The following AZIN1 variants were observed in gnomAD, a reference collection of about 807,000 sequenced individuals.
AZIN1 encodes the protein antizyme inhibitor 1.
AZIN1 carries 12 observed loss-of-function variants against 47.4 expected under a neutral mutation model. The observed-to-expected ratio is 0.25, with a 90% CI of 0.16 to 0.41. The LOEUF (loss-of-function observed/expected upper bound fraction) is 0.41, where lower values mean the gene tolerates loss of function less well. Among genes scored for constraint, AZIN1 ranks in the 10% least tolerant of loss-of-function variants. The probability of loss-of-function intolerance (pLI) is 1.00; values close to 1 mark genes in which losing one functional copy is unlikely to be tolerated. For missense variants in AZIN1, 410 were observed against 532.4 expected, an observed-to-expected ratio of 0.77 and a Z score of 2.26; for synonymous variants, 155 against 176.3, an observed-to-expected ratio of 0.88 and a Z score of 0.96.
chr8:102,842,123 A>G (rs1812237061), intron 3 of AZIN1, among the ~76,000 whole-genome samples: 2 of 152,156 alleles, frequency 1.3e-5, no homozygotes, highest in South Asian at 4.1e-4. Flanking sequence ...AAGAGAAAAA[A>G]AAAAAGAAAA....
At chr8:102,847,767 A>G (rs1191309984) in intron 2 of AZIN1, among the ~76,000 whole-genome samples, 1 of 151,958 alleles carries the variant, frequency 6.6e-6, no homozygotes, top group Non-Finnish European at 1.5e-5. Flanking sequence ...TTTTTTGTAG[A>G]AAACTCTTTG....
chr8:102,837,807 A>G (rs1241237530), intron 5 of AZIN1, among the ~76,000 whole-genome samples: 1 of 152,236 alleles, frequency 6.6e-6, no homozygotes, highest in Non-Finnish European at 1.5e-5. Flanking sequence ...ATTTCCGGAA[A>G]CACACATAAC....
At chr8:102,841,828 A>G (rs1812209813) in intron 3 of AZIN1, among the ~76,000 whole-genome samples, 1 of 148,362 alleles carries the variant, frequency 6.7e-6, no homozygotes. Context: ...AAAAAAGACC[A>G]GGCTGGGCGC....
At chr8:102,862,448 C>A (rs1475937385) in intron 1 of AZIN1, among the ~76,000 whole-genome samples, 2 of 152,198 alleles carry the variant, frequency 1.3e-5, no homozygotes, top group Non-Finnish European at 2.9e-5. Flanking sequence ...CCTCACTTAT[C>A]ACCACCGATA....
At chr8:102,833,337 G>A in intron 8 of AZIN1, 119 bp from the exon 9 acceptor site, 1 of 864,922 alleles carries the variant, frequency 1.2e-6, no homozygotes, top group Non-Finnish European at 1.7e-6. Context: ...CACAGATCAT[G>A]AACCTTAGCA....
Position 102,829,460 on chromosome 8 carries a change from A to C in AZIN1, c.1047T>G (p.Phe349Leu). Residue 349 changes from phenylalanine to leucine, a missense_variant, in exon 11 of 12, where the codon TTT becomes TTG. Phe to Leu is a conservative substitution (Grantham distance 22). Transcript: ENST00000337198. Reference protein sequence around the residue: ...HKKYKEDEPLFTSSLWGPSCD... With the variant: ...HKKYKEDEPLLTSSLWGPSCD... ...AGGATGGACCCCAAAGGCTGCTTGT[A>C]AACAGAGGCTCATCTTCCTTGTATT... is the stretch of plus-strand genomic sequence containing the variant. 1 of 1,611,484 alleles carries C rather than the reference A, an allele frequency of 6.2e-7. No individual in the cohort carries two copies. Among genetic ancestry groups the C allele is most frequent in the Non-Finnish European group, 8.5e-7 (1 of 1,179,322 alleles).
rs533289298 is a variant in AZIN1, at chr8:102,848,200, TGA to T, written c.-95-4455_-95-4454del. ...TATCTAGGTTTCTGTATGTACACTATGATGTTCAAACAACCACAATGTCACCT... is the reference window on the plus strand; with the variant it reads ...TATCTAGGTTTCTGTATGTACACTATTGTTCAAACAACCACAATGTCACCT... On this transcript the variant is annotated intron_variant, in intron 2 of 11. Transcript: ENST00000337198. Among the ~76,000 whole-genome samples the T allele has an allele frequency of 1.9e-3, 289 of 152,086 alleles. 5 individuals are homozygous for T. Among genetic ancestry groups the T allele is most frequent in the Non-Finnish European group, 5.9e-4 (40 of 67,988 alleles).
chr8:102,845,947 G>A (rs1201080073), intron 2 of AZIN1, among the ~76,000 whole-genome samples: 1 of 152,130 alleles, frequency 6.6e-6, no homozygotes, highest in Non-Finnish European at 1.5e-5. Flanking sequence ...TTGAGGGCTT[G>A]CTGTCTATGT....
intron 2 of AZIN1, among the ~76,000 whole-genome samples, chr8:102,855,210 C>G (rs1441533355): frequency 6.6e-6 from 1 of 152,154 alleles, no homozygotes; most frequent in Non-Finnish European, 1.5e-5. Context: ...GCACCTGCCA[C>G]GACGCTCGAC....
In AZIN1 at chr8:102,847,363, A is replaced by T. The variant is rs201829428; in HGVS notation, c.-95-3616T>A. On this transcript the variant is annotated intron_variant, in intron 2 of 11. Coordinates refer to ENST00000337198, the MANE Select transcript of AZIN1 (RefSeq NM_148174.4). ...GAACCCATCTCTTAAAAAAAAAAAA[A>T]AAAAAACAATAAAGCTCTAATGGAG... is the stretch of plus-strand genomic sequence containing the variant. 2.0e-4 allele frequency among the ~76,000 whole-genome samples: 30 copies of T among 146,482 alleles called. No individual in the cohort carries two copies. The East Asian group carries it at 5.0e-3, about 24-fold the overall frequency.
intron 4 of AZIN1, 41 bp from the exon 5 acceptor site, chr8:102,838,957 G>C (rs751557174): frequency 1.3e-6 from 2 of 1,550,308 alleles, no homozygotes; most frequent in South Asian, 2.4e-5. Context: ...TAATGTCACA[G>C]TTCATATTCT....
intron 2 of AZIN1, among the ~76,000 whole-genome samples, chr8:102,844,403 G>T (rs1011550166): frequency 6.6e-6 from 1 of 152,094 alleles, no homozygotes; most frequent in Non-Finnish European, 1.5e-5. Flanking sequence ...GAGAGTGGAG[G>T]GTGGCTTGAG....
At chr8:102,863,293 A>C (rs1031429061) in intron 1 of AZIN1, among the ~76,000 whole-genome samples, 2 of 151,496 alleles carry the variant, frequency 1.3e-5, no homozygotes, top group East Asian at 3.9e-4. Flanking sequence ...GCCCCGCTCC[A>C]TTCATAACCA....
In AZIN1 at chr8:102,836,302, G is replaced by T; in HGVS notation, c.538C>A (p.Leu180Ile). ...TCAAGTTCCTTAGCACATTCCAAGA[G>T]ATGCCTACAGTTCTTCAGGGTAGTG... ...FGTTLKNCRH[L>I]LECAKELDVQ... Residue 180 changes from leucine to isoleucine, a missense_variant, in exon 6 of 12, where the codon CTC becomes ATC. Physicochemically the swap from Leu to Ile is conservative, Grantham distance 5. Around this residue, in one of 3 missense-constraint regions of AZIN1, gnomAD observed 237 missense variants for 309.4 expected, o/e 0.77. Transcript: ENST00000337198. 1.2e-6 allele frequency: 2 copies of T among 1,613,806 alleles called. No individual in the cohort carries two copies. The highest frequency in any genetic ancestry group is 1.3e-5 in the African/African-American group (1 of 75,030).
chr8:102,848,179 T>G (rs1322272848), intron 2 of AZIN1, among the ~76,000 whole-genome samples: 2 of 152,144 alleles, frequency 1.3e-5, no homozygotes. Flanking sequence ...CTGTACTATC[T>G]AGGTTTCTGT....
chr8:102,844,365 C>G (rs1395219361), intron 2 of AZIN1, among the ~76,000 whole-genome samples: 2 of 151,066 alleles, frequency 1.3e-5, no homozygotes, highest in Non-Finnish European at 2.9e-5. Flanking sequence ...AAAAAATTCC[C>G]AAATAGGTGA....
Position 102,864,154 on chromosome 8 carries a change from C to T in AZIN1, c.-581G>A, listed in dbSNP as rs1813960911. On this transcript the variant is annotated 5_prime_UTR_variant, in exon 1 of 12. Transcript: ENST00000337198. ...GAAAAACTGCGGCCGCGATCAGAGC[C>T]TGAAAGTGTGAGAAGGCGGCGCCAG... The T allele has an allele frequency of 5.5e-6, 1 of 181,378 alleles. No individual in the cohort carries two copies. The highest frequency in any genetic ancestry group is 1.1e-5 in the Non-Finnish European group (1 of 87,172). The allele number at this position is 181,378 out of a possible 1,614,324, so 11.2% of individuals were successfully genotyped here.
At chr8:102,860,329 C>G (rs1813554298) in intron 1 of AZIN1, among the ~76,000 whole-genome samples, 1 of 152,182 alleles carries the variant, frequency 6.6e-6, no homozygotes, top group Admixed American at 6.5e-5. Flanking sequence ...GTGGCGCGAT[C>G]TTGGCTCACT....
chr8:102,829,680 T>C, intron 10 of AZIN1, 141 bp downstream of exon 10: 1 of 815,630 alleles, frequency 1.2e-6, no homozygotes, highest in Non-Finnish European at 2.0e-6. Context: ...AAAAAGGGAC[T>C]CCACCAGAAG....
Sources: allele counts gnomAD v4.1 joint callset (sites outside exome capture counted in the v4.1 genomes callset), GRCh38; gene constraint gnomAD v4.1.1; regional missense constraint gnomAD v4.1.1; transcripts MANE v1.5; gene names NCBI Gene and HGNC (gene_info 2026-07-23, HGNC 2026-07-21).